Variants in TLL2 observed in about 807,000 individuals in gnomAD.
TLL2 encodes tolloid like 2.
Under a neutral mutation model 123.0 loss-of-function variants are expected in TLL2, and 106 were observed. That is an observed-to-expected ratio of 0.86 (90% confidence interval 0.74 to 1.01). TLL2 has a LOEUF of 1.01. Ranked by LOEUF, TLL2 falls within the 50% of genes least tolerant of loss-of-function variation. The pLI is 0.00. For missense variants in TLL2, 1,332 were observed against 1,336.7 expected (o/e 1.00, Z 0.06); for synonymous variants, 494 against 516.8 (o/e 0.96, Z 0.60).
rs762596599 is a variant in TLL2 at position 96,395,897 on chromosome 10, C to T, written c.1508G>A (p.Gly503Glu). 1 of 1,614,182 alleles carries T rather than the reference C, an allele frequency of 6.2e-7. No individual in the cohort carries two copies. Among genetic ancestry groups the T allele is most frequent in the South Asian group, 1.1e-5 (1 of 91,074 alleles). ...CACCTCAAAAGCTTGGAAGGTAAGTCCCACGTGAAACCCCTCTGAAACCGT... is the reference window on the plus strand; with the variant it reads ...CACCTCAAAAGCTTGGAAGGTAAGTTCCACGTGAAACCCCTCTGAAACCGT... The part of the protein sequence containing the change: ...RITVSEGFHV[G>E]LTFQAFEIER... Residue 503 changes from glycine (G) to glutamate (E), a missense_variant, in exon 12 of 21, where the codon GGA (glycine) becomes GAA (glutamate). Coordinates refer to ENST00000357947, the MANE Select transcript of TLL2 (RefSeq NM_012465.4).
intron 1 of TLL2, among the ~76,000 whole-genome samples, chr10:96,493,067 G>C (rs1847431294): frequency 6.6e-6 from 1 of 152,188 alleles, no homozygotes; most frequent in Admixed American, 6.5e-5. Context: ...GCACTGAAGA[G>C]AAAGGGACTG....
intron 2 of TLL2, among the ~76,000 whole-genome samples, chr10:96,478,307 G>A (rs560473158): frequency 1.3e-4 from 20 of 152,204 alleles, no homozygotes; most frequent in Middle Eastern, 3.2e-3. Context: ...GACCCAAACC[G>A]GGGAGACCAA....
At chr10:96,497,459 G>A (rs1391357881) in intron 1 of TLL2, among the ~76,000 whole-genome samples, 2 of 152,176 alleles carry the variant, frequency 1.3e-5, no homozygotes, top group African/African-American at 4.8e-5. Flanking sequence ...TCTGTGGACG[G>A]CATCCTCCAG....
At chr10:96,433,041 A>G (rs1846760904) in intron 3 of TLL2, 79 bp from the exon 4 acceptor site, 17 of 1,546,592 alleles carry the variant, frequency 1.1e-5, no homozygotes, top group Non-Finnish European at 1.4e-5. Context: ...ATTATCCACA[A>G]TTCCAAAAAG....
At chr10:96,460,362 C>T (rs185003895) in intron 2 of TLL2, among the ~76,000 whole-genome samples, 262 of 152,274 alleles carry the variant, frequency 1.7e-3, no homozygotes, top group Non-Finnish European at 3.2e-3. Flanking sequence ...TTGTAACCCT[C>T]CAATGTGATG....
intron 5 of TLL2, among the ~76,000 whole-genome samples, chr10:96,428,060 G>T (rs1460145583): frequency 6.6e-6 from 1 of 152,190 alleles, no homozygotes; most frequent in African/African-American, 2.4e-5. Context: ...CTCCCAAACT[G>T]CTGGGATTAC....
At chr10:96,509,839 C>T (rs568433369) in intron 1 of TLL2, among the ~76,000 whole-genome samples, 35 of 152,288 alleles carry the variant, frequency 2.3e-4, no homozygotes, top group Non-Finnish European at 3.5e-4. Context: ...CCCAGCTACT[C>T]GGGAGGCTGA....
At chr10:96,374,117 C>T (rs934742877) in intron 18 of TLL2, 12 of 349,894 alleles carry the variant, frequency 3.4e-5, no homozygotes, top group South Asian at 2.4e-4. Flanking sequence ...AGCTATTAAG[C>T]GACAGAGCCA....
At chr10:96,503,776 C>G (rs1192432781) in intron 1 of TLL2, among the ~76,000 whole-genome samples, 1 of 152,134 alleles carries the variant, frequency 6.6e-6, no homozygotes, top group Non-Finnish European at 1.5e-5. Flanking sequence ...CTTGGAAAGC[C>G]AGAATTCTCT....
intron 1 of TLL2, among the ~76,000 whole-genome samples, chr10:96,512,303 A>T (rs1325026352): frequency 2.0e-5 from 3 of 152,234 alleles, no homozygotes; most frequent in African/African-American, 7.2e-5. Flanking sequence ...ATAAAAAATA[A>T]CGACAATGCC....
chr10:96,416,148 TCCAAAAACAGGCACTTCTGCCCTAA>T (rs1846558718), intron 7 of TLL2, among the ~76,000 whole-genome samples: 2 of 152,116 alleles, frequency 1.3e-5, no homozygotes, highest in South Asian at 4.1e-4. Context: ...CATTAGCTAC[TCCAAAAACAGGCACTTCTGCCCTAA>T]CGAAAGGTGT....
At chr10:96,488,761 T>C (rs528383164) in intron 1 of TLL2, among the ~76,000 whole-genome samples, 1 of 152,178 alleles carries the variant, frequency 6.6e-6, no homozygotes, top group East Asian at 1.9e-4. Flanking sequence ...ACATAGTGAG[T>C]CATTTGGCAG....
chr10:96,406,091 TG>T (rs1846446952), intron 9 of TLL2, among the ~76,000 whole-genome samples: 1 of 152,082 alleles, frequency 6.6e-6, no homozygotes, highest in South Asian at 2.1e-4. Flanking sequence ...GATGCTCCCA[TG>T]GCCAAATAGG....
At chr10:96,419,266 G>A (rs1846596004) in intron 7 of TLL2, among the ~76,000 whole-genome samples, 2 of 152,144 alleles carry the variant, frequency 1.3e-5, no homozygotes, top group African/African-American at 4.8e-5. Context: ...TCACCCATCT[G>A]CATCGGATTG....
At chr10:96,409,383 G>A (rs540882957) in intron 9 of TLL2, among the ~76,000 whole-genome samples, 1 of 152,264 alleles carries the variant, frequency 6.6e-6, no homozygotes, top group Admixed American at 6.5e-5. Flanking sequence ...GGACACTGGG[G>A]GTATCCCCTA....
chr10:96,470,334 G>A (rs1847166837), intron 2 of TLL2, among the ~76,000 whole-genome samples: 1 of 152,196 alleles, frequency 6.6e-6, no homozygotes, highest in Non-Finnish European at 1.5e-5. Flanking sequence ...GAGCAGGCAA[G>A]GCCATCAGGC....
At chr10:96,499,050 A>C (rs1847506664) in intron 1 of TLL2, among the ~76,000 whole-genome samples, 1 of 152,200 alleles carries the variant, frequency 6.6e-6, no homozygotes, top group Admixed American at 6.5e-5. Context: ...GACCCTGTAA[A>C]CATTGCTCCT....
rs563725234 is a variant in TLL2, at chr10:96,416,210, C to T, written c.924-2894G>A. 3.3e-5 allele frequency among the ~76,000 whole-genome samples: 5 copies of T among 152,300 alleles called. No homozygotes were observed. The East Asian group carries it at 9.7e-4, about 29-fold the overall frequency. ...TCCTTTTGTAATTATTTTCTTGGTT[C>T]CCTTGCAGAAAGGAATTCTGCAGCA... On this transcript the variant is annotated intron_variant, in intron 7 of 20. Transcript: ENST00000357947.
chr10:96,403,781 C>G (rs551431433), intron 10 of TLL2, among the ~76,000 whole-genome samples: 2 of 152,184 alleles, frequency 1.3e-5, no homozygotes, highest in African/African-American at 4.8e-5. Flanking sequence ...CCCCTGGGAA[C>G]TGAATGTCTC....
Sources: allele counts gnomAD v4.1 joint callset (sites outside exome capture counted in the v4.1 genomes callset), GRCh38; gene constraint gnomAD v4.1.1; transcripts MANE v1.5; gene names NCBI Gene and HGNC (gene_info 2026-07-23, HGNC 2026-07-21).